PCDHGA1: variants seen among roughly 807,000 people sequenced by gnomAD.
The protein encoded by PCDHGA1 is protocadherin gamma-A1.
Under a neutral mutation model 58.0 loss-of-function variants are expected in PCDHGA1, and 32 were observed. The observed-to-expected ratio is 0.55, with a 90% CI of 0.42 to 0.74. The LOEUF (loss-of-function observed/expected upper bound fraction) is 0.74. Ranked by LOEUF, PCDHGA1 falls within the 30% of genes least tolerant of loss-of-function variation. PCDHGA1 has a pLI of 0.00. For synonymous variants in PCDHGA1, 498 were observed against 501.1 expected (o/e 0.99, Z 0.08); for missense variants, 1,205 against 1,182.3 (o/e 1.02, Z -0.28).
At chr5:141,354,958 G>A (rs1759675206) in intron 1 of PCDHGA1, 3 of 490,374 alleles carry the variant, frequency 6.1e-6, no homozygotes, top group South Asian at 1.1e-4. Flanking sequence ...TGCAGTAACA[G>A]GTTAAGACTC....
chr5:141,468,505 C>A (rs1293623271), intron 1 of PCDHGA1: 1 of 152,020 alleles, frequency 6.6e-6, no homozygotes, highest in East Asian at 1.9e-4. Context: ...TTCATGTGGA[C>A]AAATTTAGTA....
At position 141,487,063 on chromosome 5, in the gene PCDHGA1, G is replaced by A. The variant is rs754361361; in HGVS notation, c.2422-7744G>A. 39 of 1,614,086 alleles carry A rather than the reference G, an allele frequency of 2.4e-5. No individual in the cohort carries two copies. In the South Asian group the frequency reaches 3.7e-4, roughly 15 times the overall value. The stretch of plus-strand genomic sequence containing the variant: ...CTCGATATGCTGGGGAGGTGCGGAC[G>A]GCTGTTCCTATCCCAGCTGACCTCC... On this transcript the variant is annotated intron_variant, in intron 1 of 3. Transcript: ENST00000517417. The surrounding 1 kb of genome is among the most constrained non-coding windows in gnomAD (Gnocchi z 5.0).
chr5:141,415,484 G>C (rs369349538), intron 1 of PCDHGA1: 18 of 1,614,102 alleles, frequency 1.1e-5, no homozygotes, highest in Non-Finnish European at 1.5e-5. Flanking sequence ...TCGCGAAAGA[G>C]TCACCTGATC....
At chr5:141,356,028 C>T (rs1377135804) in intron 1 of PCDHGA1, 4 of 1,613,814 alleles carry the variant, frequency 2.5e-6, no homozygotes, top group African/African-American at 1.3e-5. Flanking sequence ...CCAATGGAGA[C>T]GTGACGTATT....
rs2099883697 is a variant in PCDHGA1, at chr5:141,511,284, G to T, written c.*111G>T. On this transcript the variant is annotated 3_prime_UTR_variant, in exon 4 of 4. Coordinates refer to ENST00000517417, the MANE Select transcript of PCDHGA1 (RefSeq NM_018912.3). ...AGGGCTAACCCCCAGAATACTGGTA[G>T]GGGCCAAGGCCATGCTCCCCTTGGG... 6.5e-7 allele frequency: 1 copy of T among 1,528,258 alleles called. No homozygotes were observed. Among genetic ancestry groups the T allele is most frequent in the African/African-American group, 1.4e-5 (1 of 72,674 alleles). 94.7% of individuals were successfully genotyped at this position (1,528,258 alleles called of 1,614,324 possible). A position where few individuals can be genotyped will look rare whatever the true frequency, so the allele number is the denominator to read the frequency against.
rs139043857 is a variant in PCDHGA1, at chr5:141,339,791, T to C, written c.2421+6686T>C. ...CGCCACTGACGCAGATGAGGGCTAC[T>C]ACGCTCAAGTGGTATATTTTCTAGA... On this transcript the variant is annotated intron_variant, in intron 1 of 3. Coordinates refer to ENST00000517417, the MANE Select transcript of PCDHGA1 (RefSeq NM_018912.3). 94 of 1,614,206 alleles carry C rather than the reference T, an allele frequency of 5.8e-5. No homozygotes were observed. In the East Asian group the frequency reaches 2.0e-3, roughly 35 times the overall value.
At position 141,487,421 on chromosome 5, in the gene PCDHGA1, C is replaced by A. The variant is rs1365581881; in HGVS notation, c.2422-7386C>A. On this transcript the variant is annotated intron_variant, in intron 1 of 3. Coordinates refer to ENST00000517417, the MANE Select transcript of PCDHGA1 (RefSeq NM_018912.3). This position sits in a 1 kb window ranked among gnomAD's most constrained non-coding sequence, Gnocchi z 5.0. ...GGGGCTTCCCCCTTCCAATGGGATC[C>A]TCCGAATCCAGCTAGGGTCAGATGA... 2 of 1,614,026 alleles carry A rather than the reference C, an allele frequency of 1.2e-6. No individual in the cohort carries two copies. Among genetic ancestry groups the A allele is most frequent in the South Asian group, 1.1e-5 (1 of 91,086 alleles).
At chr5:141,478,452 C>T (rs763187393) in intron 1 of PCDHGA1, 1 of 1,613,598 alleles carries the variant, frequency 6.2e-7, no homozygotes, top group Admixed American at 1.7e-5. Context: ...CCTGGTGCAG[C>T]CAGTCCACTG....
At chr5:141,356,890 TA>T in intron 1 of PCDHGA1, 1 of 1,614,214 alleles carries the variant, frequency 6.2e-7, no homozygotes, top group Non-Finnish European at 8.5e-7. Context: ...TGAGATCCTG[TA>T]CCCCACCTTC....
rs757947581 is a variant in PCDHGA1 at position 141,361,996 on chromosome 5, T to G, written c.2421+28891T>G. 7 of 1,603,066 alleles carry G rather than the reference T, an allele frequency of 4.4e-6. No individual in the cohort carries two copies. The African/African-American group carries it at 8.0e-5, about 18-fold the overall frequency. ...CGAGCCCGGGCTCTTCAGCCTGGGG[T>G]TGCGCACGGGTGAGGTGCGCACAGC... is the stretch of plus-strand genomic sequence containing the variant. On this transcript the variant is annotated intron_variant, in intron 1 of 3. Transcript: ENST00000517417.
chr5:141,343,562 T>G lies in PCDHGA1; in HGVS notation c.2421+10457T>G, dbSNP rs573818238. On this transcript the variant is annotated intron_variant, in intron 1 of 3. Coordinates refer to ENST00000517417, the MANE Select transcript of PCDHGA1 (RefSeq NM_018912.3). ...TCTTAAACTGAACAATTCAAAAAAG[T>G]TAACTCCACTATGTTTGAAGCAATA... is the stretch of plus-strand genomic sequence containing the variant. 3.3e-5 allele frequency among the ~76,000 whole-genome samples: 5 copies of G among 152,284 alleles called. No homozygotes were observed. The South Asian group carries it at 8.3e-4, about 25-fold the overall frequency.
chr5:141,338,412 A>G (rs930193755), intron 1 of PCDHGA1, among the ~76,000 whole-genome samples: 2 of 152,238 alleles, frequency 1.3e-5, no homozygotes, highest in African/African-American at 4.8e-5. Flanking sequence ...ACGTTTCTTA[A>G]TTGATCTTAC....
At chr5:141,360,235 C>G in intron 1 of PCDHGA1, 1 of 1,613,896 alleles carries the variant, frequency 6.2e-7, no homozygotes, top group Non-Finnish European at 8.5e-7. Context: ...AGTCCAGATC[C>G]GCTATTCAAT....
intron 1 of PCDHGA1, chr5:141,372,687 T>G: frequency 6.2e-7 from 1 of 1,614,018 alleles, no homozygotes. Flanking sequence ...AAACACCGAG[T>G]TTAAATTTCT....
At chr5:141,419,385 C>T (rs753470433) in intron 1 of PCDHGA1, 6 of 1,613,686 alleles carry the variant, frequency 3.7e-6, no homozygotes, top group Admixed American at 1.7e-5. Context: ...TCCGTGAGCG[C>T]GCAGAGCGGG....
chr5:141,394,018 A>T (rs2092900242), intron 1 of PCDHGA1: 1 of 1,613,496 alleles, frequency 6.2e-7, no homozygotes. Flanking sequence ...GGTAATTATT[A>T]TAGATTAGTG....
At position 141,351,450 on chromosome 5, in the gene PCDHGA1, A is replaced by G. The variant is rs374291004; in HGVS notation, c.2421+18345A>G. 10 of 1,613,086 alleles carry G rather than the reference A, an allele frequency of 6.2e-6. No individual in the cohort carries two copies. Among genetic ancestry groups the G allele is most frequent in the Admixed American group, 1.7e-5 (1 of 59,816 alleles). On this transcript the variant is annotated intron_variant, in intron 1 of 3. Transcript: ENST00000517417. ...AAATTAGAATCCACCTCGAAGAATT[A>G]TTACAAGCTGGTGATTGCTGGAGCC...
intron 1 of PCDHGA1, chr5:141,351,146 G>C (rs868865355): frequency 1.2e-6 from 2 of 1,613,840 alleles, no homozygotes; most frequent in Non-Finnish European, 1.7e-6. Context: ...AAATACTGGC[G>C]ACATCACAAC....
At chr5:141,351,646 A>ACCTGGCG in intron 1 of PCDHGA1, 1 of 1,613,926 alleles carries the variant, frequency 6.2e-7, no homozygotes, top group Non-Finnish European at 8.5e-7. Context: ...AGAACAACCC[A>ACCTGGCG]CCTGGCGCCT....
Sources: gnomAD v4.1 joint callset for allele counts (sites outside exome capture counted in the v4.1 genomes callset) on GRCh38, gnomAD v4.1.1 for gene constraint, Gnocchi (gnomAD v3.1) non-coding constraint, MANE v1.5 for transcripts, NCBI Gene and HGNC (gene_info 2026-07-23, HGNC 2026-07-21) for gene names.